Variants in SLC45A2 observed in about 807,000 individuals in gnomAD.
SLC45A2 encodes the protein solute carrier family 45 member 2.
Under a neutral mutation model 45.5 loss-of-function variants are expected in SLC45A2, and 36 were observed. The ratio of observed to expected loss-of-function variants is 0.79; its 90% CI spans 0.61 to 1.04. The LOEUF is 1.04. Ranked by LOEUF, SLC45A2 falls within the 50% of genes least tolerant of loss-of-function variation. The pLI, the probability that SLC45A2 is intolerant of heterozygous loss-of-function variation, is 0.00. For missense variants in SLC45A2, 719 were observed against 671.0 expected (o/e 1.07, Z -0.79); for synonymous variants, 306 against 269.3 (o/e 1.14, Z -1.33).
At chr5:33,980,045 A>G (rs1020068623) in intron 2 of SLC45A2, among the ~76,000 whole-genome samples, 1 of 152,334 alleles carries the variant, frequency 6.6e-6, no homozygotes, top group Admixed American at 6.5e-5. Flanking sequence ...AACTCTTAAT[A>G]TCGAGTTCAA....
chr5:33,961,551 C>A (rs1455551411), intron 3 of SLC45A2, among the ~76,000 whole-genome samples: 1 of 152,180 alleles, frequency 6.6e-6, no homozygotes, highest in African/African-American at 2.4e-5. Flanking sequence ...TCCTAACTAT[C>A]ATTCAAGGCA....
chr5:33,944,750 C>T lies in SLC45A2; in HGVS notation c.1491G>A (p.Leu497=), dbSNP rs1416311534. The T allele has an allele frequency of 6.2e-7, 1 of 1,614,098 alleles. No individual in the cohort carries two copies. Among genetic ancestry groups the T allele is most frequent in the Non-Finnish European group, 8.5e-7 (1 of 1,180,044 alleles). ...CGACAACGGTCCCGGCTGTGTTGACCAGAAAGCCCAGGCCACCTCCGACCA... is the reference window on the plus strand; with the variant it reads ...CGACAACGGTCCCGGCTGTGTTGACTAGAAAGCCCAGGCCACCTCCGACCA... ...QILVGGGLGF[L]VNTAGTVVVV... The change falls in exon 7 of 7, where the codon CTG becomes CTA. Residue 497 remains leucine, a synonymous_variant. Transcript: ENST00000296589.
chr5:33,949,799 C>T (rs945327680), intron 5 of SLC45A2, among the ~76,000 whole-genome samples: 4 of 151,646 alleles, frequency 2.6e-5, no homozygotes. Context: ...GTTTCAAATG[C>T]CATAAAATTT....
intron 3 of SLC45A2, 132 bp downstream of exon 3, chr5:33,963,559 G>T: frequency 1.0e-6 from 1 of 990,400 alleles, no homozygotes; most frequent in Non-Finnish European, 1.6e-6. Context: ...TAGCTACGGG[G>T]GATTTGGGAA....
rs377315446 is a variant in SLC45A2 at position 33,947,008 on chromosome 5, G to A, written c.1368+155C>T. 15 of 1,586,252 alleles carry A rather than the reference G, an allele frequency of 9.5e-6. No individual in the cohort carries two copies. In the East Asian group the frequency reaches 1.6e-4, roughly 17 times the overall value. On this transcript the variant is annotated intron_variant, in intron 6 of 6. Transcript: ENST00000296589. ...CTGGGCTGGGCTGGTGAGCATGCCTGTACCAGATCATGGTTGCAGTTGGTT... is the reference window on the plus strand; with the variant it reads ...CTGGGCTGGGCTGGTGAGCATGCCTATACCAGATCATGGTTGCAGTTGGTT...
chr5:33,947,794 C>A (rs1751984013), intron 5 of SLC45A2, among the ~76,000 whole-genome samples: 1 of 152,172 alleles, frequency 6.6e-6, no homozygotes, highest in Admixed American at 6.5e-5. Context: ...CCCTACAACC[C>A]AAAGTCAGGT....
intron 3 of SLC45A2, 45 bp from the exon 4 acceptor site, chr5:33,954,549 C>G (rs1276215182): frequency 4.3e-6 from 7 of 1,611,566 alleles, no homozygotes; most frequent in Non-Finnish European, 5.1e-6. Flanking sequence ...ACTGCAGAAA[C>G]TCAGCCAGCT....
chr5:33,980,397 C>A (rs1406340962), intron 2 of SLC45A2, among the ~76,000 whole-genome samples: 1 of 152,142 alleles, frequency 6.6e-6, no homozygotes, highest in African/African-American at 2.4e-5. Context: ...ACAATTGATT[C>A]TCAAGAAGCC....
intron 6 of SLC45A2, 56 bp from the exon 7 acceptor site, chr5:33,944,928 A>G: frequency 6.5e-7 from 1 of 1,541,728 alleles, no homozygotes; most frequent in Non-Finnish European, 8.8e-7. Context: ...CATTTAGGGC[A>G]CAGGTCAGCA....
At chr5:33,946,574 G>A (rs1304598166) in intron 6 of SLC45A2, 1 of 991,904 alleles carries the variant, frequency 1.0e-6, no homozygotes, top group Non-Finnish European at 1.2e-6. Context: ...GCGTTCCAAG[G>A]TTTAAATGGC....
chr5:33,982,302 A>G lies in SLC45A2; in HGVS notation c.496T>C (p.Tyr166His). The change falls in exon 2 of 7, where the codon TAC becomes CAC. Residue 166 changes from tyrosine to histidine, a missense_variant. Physicochemically the swap from Tyr to His is moderately conservative, Grantham distance 83 (BLOSUM62 2). Transcript: ENST00000296589. ...TGATGGGAGCAGACATCAAATAAGT[A>G]GGCTTTGATGGGCCCATCAATGAAG... ...ADFIDGPIKA[Y>H]LFDVCSHQDK... The G allele has an allele frequency of 6.2e-7, 1 of 1,614,188 alleles. No homozygotes were observed. Among genetic ancestry groups the G allele is most frequent in the Non-Finnish European group, 8.5e-7 (1 of 1,180,020 alleles).
intron 3 of SLC45A2, among the ~76,000 whole-genome samples, chr5:33,961,927 G>A (rs1196765308): frequency 6.6e-6 from 1 of 152,238 alleles, no homozygotes; most frequent in African/African-American, 2.4e-5. Flanking sequence ...TTTGGCCTGA[G>A]TGAAGCTTTC....
intron 2 of SLC45A2, among the ~76,000 whole-genome samples, chr5:33,977,439 C>T (rs1043770183): frequency 2.0e-5 from 3 of 152,136 alleles, no homozygotes; most frequent in East Asian, 1.9e-4. Context: ...AACTTTTGTG[C>T]TTTGATTATT....
intron 2 of SLC45A2, among the ~76,000 whole-genome samples, chr5:33,969,595 C>T (rs190063901): frequency 2.4e-4 from 36 of 152,240 alleles, no homozygotes; most frequent in African/African-American, 8.4e-4. Flanking sequence ...TTCCGAAAGC[C>T]CTTAGGCTGC....
intron 2 of SLC45A2, among the ~76,000 whole-genome samples, chr5:33,975,298 C>T (rs1397238815): frequency 1.3e-5 from 2 of 152,172 alleles, no homozygotes; most frequent in Admixed American, 6.5e-5. Flanking sequence ...CTCGGGTCTC[C>T]TTTTACACAA....
chr5:33,956,297 C>T (rs546983914), intron 3 of SLC45A2, among the ~76,000 whole-genome samples: 2 of 152,176 alleles, frequency 1.3e-5, no homozygotes, highest in African/African-American at 4.8e-5. Flanking sequence ...GATCAAGATC[C>T]TGAAACATTT....
At chr5:33,958,899 G>A (rs1361308226) in intron 3 of SLC45A2, among the ~76,000 whole-genome samples, 3 of 152,166 alleles carry the variant, frequency 2.0e-5, no homozygotes, top group Non-Finnish European at 4.4e-5. Flanking sequence ...ACTCTTGGAG[G>A]GGGAGTCCCA....
In SLC45A2 at chr5:33,950,040, T is replaced by A. The variant is rs550957605; in HGVS notation, c.1156+1514A>T. Reference sequence around the variant, plus strand: ...CCATCTCTAAAAAAAAAATTTTTTTTAAATTAATAAGCCAGGCACAGTGGC... The same window carrying A: ...CCATCTCTAAAAAAAAAATTTTTTTAAAATTAATAAGCCAGGCACAGTGGC... On this transcript the variant is annotated intron_variant, in intron 5 of 6. Transcript: ENST00000296589. 1.1e-4 allele frequency among the ~76,000 whole-genome samples: 17 copies of A among 152,000 alleles called. No homozygotes were observed. In the South Asian group the frequency reaches 2.1e-3, roughly 19 times the overall value.
At chr5:33,971,908 A>G (rs1320104599) in intron 2 of SLC45A2, 1 of 361,368 alleles carries the variant, frequency 2.8e-6, no homozygotes, top group East Asian at 7.6e-5. Context: ...ATTACAGGTG[A>G]GAGCTACCAC....
Sources: allele counts gnomAD v4.1 joint callset (sites outside exome capture counted in the v4.1 genomes callset), GRCh38; gene constraint gnomAD v4.1.1; transcripts MANE v1.5; gene names NCBI Gene and HGNC (gene_info 2026-07-23, HGNC 2026-07-21).